The following CHL1 variants were observed in gnomAD, a reference collection of about 807,000 sequenced individuals.
CHL1 encodes neural cell adhesion molecule L1-like protein.
CHL1 carries 96 observed loss-of-function variants against 141.9 expected under a neutral mutation model. That is an observed-to-expected ratio of 0.68 (90% confidence interval 0.57 to 0.80). CHL1 has a LOEUF of 0.80. Ranked by LOEUF, CHL1 falls within the 30% of genes least tolerant of loss-of-function variation. CHL1 has a pLI of 0.00. For synonymous variants in CHL1, 613 were observed against 502.2 expected (o/e 1.22, Z -2.95); for missense variants, 1,820 against 1,457.2 (o/e 1.25, Z -4.05).
At chr3:274,762 A>G (rs577887627) in intron 2 of CHL1, among the ~76,000 whole-genome samples, 42 of 152,218 alleles carry the variant, frequency 2.8e-4, no homozygotes, top group Non-Finnish European at 5.1e-4. Flanking sequence ...ATACAGGTGT[A>G]TCTGTCAAAA....
chr3:217,269 G>A (rs903543267), intron 1 of CHL1, among the ~76,000 whole-genome samples: 2 of 152,034 alleles, frequency 1.3e-5, no homozygotes, highest in Non-Finnish European at 2.9e-5. Flanking sequence ...GGGTATATGT[G>A]TATACGTGTG....
Position 335,612 on chromosome 3 carries a change from C to T in CHL1, c.386-5182C>T, listed in dbSNP as rs187722748. The stretch of plus-strand genomic sequence containing the variant: ...AAGCTCACCAGGCCAGTCCTGTAAA[C>T]GGAGTGCCAAGTCAAAATAGATAAA... On this transcript the variant is annotated intron_variant, in intron 5 of 27. Coordinates refer to ENST00000256509, the MANE Select transcript of CHL1 (RefSeq NM_006614.4). Among the ~76,000 whole-genome samples the T allele has an allele frequency of 5.0e-3, 761 of 152,228 alleles. 1 individual carries two copies. Among genetic ancestry groups the T allele is most frequent in the Middle Eastern group, 0.017 (5 of 294 alleles).
At chr3:220,052 T>C (rs1005871470) in intron 1 of CHL1, among the ~76,000 whole-genome samples, 2 of 152,164 alleles carry the variant, frequency 1.3e-5, no homozygotes, top group Non-Finnish European at 2.9e-5. Flanking sequence ...AGCATTATGC[T>C]AGGTGAAAGA....
intron 5 of CHL1, among the ~76,000 whole-genome samples, chr3:338,066 A>C (rs189698161): frequency 8.5e-5 from 13 of 152,084 alleles, no homozygotes; most frequent in South Asian, 8.3e-4. Context: ...GGGTTTCACC[A>C]TGTTAGCCAG....
intron 2 of CHL1, among the ~76,000 whole-genome samples, chr3:290,507 AG>A (rs971195515): frequency 5.3e-5 from 8 of 152,318 alleles, no homozygotes; most frequent in African/African-American, 1.9e-4. Context: ...ACCTGGGTTT[AG>A]TATTTTCTTC....
chr3:292,755 G>A (rs1340136858), intron 2 of CHL1, among the ~76,000 whole-genome samples: 1 of 152,172 alleles, frequency 6.6e-6, no homozygotes, highest in Non-Finnish European at 1.5e-5. Context: ...AAGCAGGCAC[G>A]TCACATGGCC....
chr3:273,082 T>A (rs6771663), intron 2 of CHL1, among the ~76,000 whole-genome samples: 6,845 of 152,240 alleles, frequency 0.045, 459 homozygotes, highest in African/African-American at 0.16. Flanking sequence ...TCTGGGAAAG[T>A]CTTCAGGTGG....
At chr3:209,581 A>T (rs535049767) in intron 1 of CHL1, among the ~76,000 whole-genome samples, 53 of 152,278 alleles carry the variant, frequency 3.5e-4, no homozygotes, top group African/African-American at 1.2e-3. Context: ...TGTCATTATT[A>T]TACTTCAAGT....
chr3:310,729 T>G (rs924509891), intron 2 of CHL1, among the ~76,000 whole-genome samples: 1 of 152,170 alleles, frequency 6.6e-6, no homozygotes. Context: ...GAACCTACAT[T>G]GACATATCAA....
At chr3:217,374 G>A (rs907842887) in intron 1 of CHL1, among the ~76,000 whole-genome samples, 3 of 152,098 alleles carry the variant, frequency 2.0e-5, no homozygotes, top group African/African-American at 4.8e-5. Flanking sequence ...GGCACTGTGA[G>A]GAAGACAGAT....
Position 398,313 on chromosome 3 carries a change from G to T in CHL1, c.3181G>T (p.Val1061Phe). The change falls in exon 25 of 28, where the codon GTT (valine) becomes TTT (phenylalanine). Residue 1061 changes from valine to phenylalanine, a missense_variant. By Grantham distance (50) the Val-to-Phe change is conservative. Coordinates refer to ENST00000256509, the MANE Select transcript of CHL1 (RefSeq NM_006614.4). ...EVFEPGAEHIVRLMTKNWGDN... is the reference protein window; with the variant it reads ...EVFEPGAEHIFRLMTKNWGDN... ...ATTTGAGCCGGGAGCTGAACATATAGTTCGCCTAATGACTAAGAATTGGGG... is the reference window on the plus strand; with the variant it reads ...ATTTGAGCCGGGAGCTGAACATATATTTCGCCTAATGACTAAGAATTGGGG... 4 of 1,608,588 alleles carry T rather than the reference G, an allele frequency of 2.5e-6. No homozygotes were observed. In the East Asian group the frequency reaches 6.7e-5, roughly 27 times the overall value.
At chr3:363,614 T>C (rs1366055943) in intron 14 of CHL1, 2 of 379,396 alleles carry the variant, frequency 5.3e-6, no homozygotes, top group African/African-American at 2.1e-5. Context: ...CAGGTGTCTG[T>C]AGTGACAGAT....
intron 2 of CHL1, among the ~76,000 whole-genome samples, chr3:269,518 A>T (rs1467755449): frequency 2.0e-5 from 3 of 149,800 alleles, no homozygotes; most frequent in Non-Finnish European, 3.0e-5. Context: ...GATAAAAAAG[A>T]CTCTCTCTCT....
chr3:352,939 T>A lies in CHL1; in HGVS notation c.1034-1701T>A, dbSNP rs1225965084. ...AATTAGAAACAAAAACCACATGACT[T>A]CAGAGTCTAAATGCTGCTCATCCAT... On this transcript the variant is annotated intron_variant, in intron 10 of 27. Coordinates refer to ENST00000256509, the MANE Select transcript of CHL1 (RefSeq NM_006614.4). 2.6e-5 allele frequency among the ~76,000 whole-genome samples: 4 copies of A among 152,164 alleles called. No individual in the cohort carries two copies. In the East Asian group the frequency reaches 7.7e-4, roughly 29 times the overall value.
chr3:308,768 C>T (rs1699474329), intron 2 of CHL1: 1 of 154,910 alleles, frequency 6.5e-6, no homozygotes, highest in South Asian at 2.1e-4. Context: ...GTTCCTTGCA[C>T]TCTAGCACGT....
intron 2 of CHL1, among the ~76,000 whole-genome samples, chr3:280,117 A>T (rs1574945205): frequency 6.6e-6 from 1 of 152,342 alleles, no homozygotes; most frequent in African/African-American, 2.4e-5. Flanking sequence ...ATGGATCTTC[A>T]GGTGAAGTGT....
chr3:197,695 T>G, intron 1 of CHL1: 1 of 418,096 alleles, frequency 2.4e-6, no homozygotes, highest in Admixed American at 2.8e-5. Flanking sequence ...GGTTGTGGGG[T>G]TGGGGAGCAC....
At chr3:359,346 C>T (rs1178484398) in intron 11 of CHL1, among the ~76,000 whole-genome samples, 2 of 151,964 alleles carry the variant, frequency 1.3e-5, no homozygotes, top group African/African-American at 4.8e-5. Context: ...CTCCATCACC[C>T]AGTCTGGAGT....
intron 2 of CHL1, among the ~76,000 whole-genome samples, chr3:309,594 G>A (rs752212775): frequency 9.3e-5 from 14 of 151,226 alleles, no homozygotes; most frequent in African/African-American, 3.2e-4. Context: ...ACTCTAGCCC[G>A]AAACTCTGGG....
Sources: gnomAD v4.1 joint callset for allele counts (sites outside exome capture counted in the v4.1 genomes callset) on GRCh38, gnomAD v4.1.1 for gene constraint, MANE v1.5 for transcripts, NCBI Gene and HGNC (gene_info 2026-07-23, HGNC 2026-07-21) for gene names.